The following KCTD20 variants were observed in gnomAD, a reference collection of about 807,000 sequenced individuals.
KCTD20 encodes the protein BTB/POZ domain-containing protein KCTD20.
In KCTD20, 30 loss-of-function variants were observed where a neutral mutation model predicts 39.6. That is an observed-to-expected ratio of 0.76 (90% CI 0.57 to 1.03). The LOEUF is 1.03. Ranked by LOEUF, KCTD20 falls within the 50% of genes least tolerant of loss-of-function variation. KCTD20 has a pLI of 0.00. For synonymous variants in KCTD20, 162 were observed against 180.6 expected, an observed-to-expected ratio of 0.90 and a Z score of 0.83; for missense variants, 422 against 522.0, an observed-to-expected ratio of 0.81 and a Z score of 1.87.
chr6:36,481,504 C>T (rs1439474155), intron 5 of KCTD20, 58 bp from the exon 6 acceptor site: 10 of 1,291,790 alleles, frequency 7.7e-6, no homozygotes, highest in Non-Finnish European at 1.1e-5. Context: ...GTCTTTTTCA[C>T]TCCAGTAATA....
At chr6:36,472,902 A>T (rs1326656701) in intron 2 of KCTD20, among the ~76,000 whole-genome samples, 1 of 150,562 alleles carries the variant, frequency 6.6e-6, no homozygotes, top group Non-Finnish European at 1.5e-5. Context: ...TATATATATA[A>T]TTTTTTTTTC....
In KCTD20 at chr6:36,487,157, T is replaced by C. The variant is rs1169046390; in HGVS notation, c.1242T>C (p.Ser414=). The C allele has an allele frequency of 6.2e-7, 1 of 1,613,116 alleles. No homozygotes were observed. Among genetic ancestry groups the C allele is most frequent in the East Asian group, 2.2e-5 (1 of 44,884 alleles). ...ATGCCCCACTTTCTCAGATGGCTTC[T>C]AACGACTTTCAGGATTAGGGCCAGC... ...RLNAPLSQMA[S]NDFQD The change falls in exon 8 of 8, where the codon TCT becomes TCC. Residue 414 remains serine (S), a synonymous_variant. Transcript: ENST00000373731.
intron 7 of KCTD20, 51 bp from the exon 8 acceptor site, chr6:36,486,832 C>T (rs371612354): frequency 1.9e-5 from 27 of 1,446,448 alleles, no homozygotes; most frequent in African/African-American, 9.9e-5. Flanking sequence ...AGTATGGACA[C>T]CAGAGTGAGC....
At chr6:36,448,716 T>C (rs1775134981) in intron 1 of KCTD20, among the ~76,000 whole-genome samples, 1 of 152,220 alleles carries the variant, frequency 6.6e-6, no homozygotes, top group Non-Finnish European at 1.5e-5. Context: ...GTGTCCGGAA[T>C]TTATTCCTTC....
chr6:36,470,636 T>C (rs1775884614), intron 2 of KCTD20, among the ~76,000 whole-genome samples: 1 of 152,140 alleles, frequency 6.6e-6, no homozygotes, highest in Non-Finnish European at 1.5e-5. Flanking sequence ...GGGGTCTCAC[T>C]CTTCACCCAG....
intron 1 of KCTD20, among the ~76,000 whole-genome samples, chr6:36,465,383 TTTTG>T (rs1207788927): frequency 6.6e-6 from 1 of 151,114 alleles, no homozygotes; most frequent in Non-Finnish European, 1.5e-5. Flanking sequence ...ATTAGTTTTT[TTTTG>T]TTTTTTTTTT....
At chr6:36,467,139 G>A (rs1297892868) in intron 1 of KCTD20, among the ~76,000 whole-genome samples, 1 of 150,606 alleles carries the variant, frequency 6.6e-6, no homozygotes, top group South Asian at 2.1e-4. Context: ...GAAACCCCGT[G>A]TCTACTAAAA....
At chr6:36,460,925 C>T (rs1235887129) in intron 1 of KCTD20, among the ~76,000 whole-genome samples, 1 of 152,082 alleles carries the variant, frequency 6.6e-6, no homozygotes, top group African/African-American at 2.4e-5. Context: ...GGGAACTTTC[C>T]TTAACCTCCT....
chr6:36,468,247 A>G (rs935719706), intron 1 of KCTD20, among the ~76,000 whole-genome samples: 1 of 152,238 alleles, frequency 6.6e-6, no homozygotes, highest in African/African-American at 2.4e-5. Context: ...TTAGTTCACC[A>G]TATACAAATT....
intron 3 of KCTD20, among the ~76,000 whole-genome samples, chr6:36,475,449 C>CAA (rs1195924698): frequency 1.6e-3 from 187 of 119,998 alleles, no homozygotes; most frequent in Non-Finnish European, 2.4e-3. Flanking sequence ...ACTCCCGTCT[C>CAA]AAAAAAAAAA....
intron 6 of KCTD20, among the ~76,000 whole-genome samples, chr6:36,484,323 A>G (rs1174804059): frequency 6.6e-6 from 1 of 152,124 alleles, no homozygotes; most frequent in African/African-American, 2.4e-5. Context: ...TCAGATTGTT[A>G]GTTTTTTACT....
At chr6:36,448,432 A>G (rs1336927426) in intron 1 of KCTD20, among the ~76,000 whole-genome samples, 1 of 152,230 alleles carries the variant, frequency 6.6e-6, no homozygotes, top group Non-Finnish European at 1.5e-5. Context: ...ATCACAGTAC[A>G]TATCTTAAAA....
chr6:36,458,994 C>T (rs908914462), intron 1 of KCTD20, among the ~76,000 whole-genome samples: 1 of 151,760 alleles, frequency 6.6e-6, no homozygotes, highest in African/African-American at 2.4e-5. Flanking sequence ...AAAAAAAATA[C>T]ATTTTTAATA....
At chr6:36,455,008 C>G (rs1775389185) in intron 1 of KCTD20, among the ~76,000 whole-genome samples, 1 of 152,134 alleles carries the variant, frequency 6.6e-6, no homozygotes, top group Admixed American at 6.6e-5. Context: ...CTTTTAGGCT[C>G]CCAATGGAAA....
Position 36,469,812 on chromosome 6 carries a change from C to T in KCTD20, c.-46-240C>T, listed in dbSNP as rs1775859822. Among the ~76,000 whole-genome samples, 1 of 152,154 alleles carries T rather than the reference C, an allele frequency of 6.6e-6. No homozygotes were observed. Among genetic ancestry groups the T allele is most frequent in the African/African-American group, 2.4e-5 (1 of 41,438 alleles). On this transcript the variant is annotated intron_variant, in intron 1 of 7. Coordinates refer to ENST00000373731, the MANE Select transcript of KCTD20 (RefSeq NM_173562.5). This position sits in a 1 kb window ranked among gnomAD's most constrained non-coding sequence, Gnocchi z 4.6. The stretch of plus-strand genomic sequence containing the variant: ...TGACCAAAGTCAGTGAATTTGATGT[C>T]TGTTCATGGATAAAATTATTCCCTG...
chr6:36,474,701 G>T, intron 2 of KCTD20, 88 bp from the exon 3 acceptor site: 2 of 1,264,560 alleles, frequency 1.6e-6, no homozygotes, highest in Admixed American at 2.7e-5. Context: ...TTTTTTGTTT[G>T]TTTACTTGTT....
At position 36,488,703 on chromosome 6, in the gene KCTD20, A is replaced by T. The variant is rs148359571; in HGVS notation, c.*1528A>T. 6.6e-6 allele frequency: 1 copy of T among 152,332 alleles called. No homozygotes were observed. The highest frequency in any genetic ancestry group is 2.4e-5 in the African/African-American group (1 of 41,576). 9.4% of individuals were successfully genotyped at this position (152,332 alleles called of 1,614,324 possible). Reference sequence around the variant, plus strand: ...CAAATTTCGGATTTTTGGATTTGGGATGCTCATCCTGTGTAGGAGAGGCTA... The same window carrying T: ...CAAATTTCGGATTTTTGGATTTGGGTTGCTCATCCTGTGTAGGAGAGGCTA... On this transcript the variant is annotated 3_prime_UTR_variant, in exon 8 of 8. Transcript: ENST00000373731.
At chr6:36,446,828 T>C (rs1030302809) in intron 1 of KCTD20, among the ~76,000 whole-genome samples, 1 of 152,200 alleles carries the variant, frequency 6.6e-6, no homozygotes, top group Non-Finnish European at 1.5e-5. Flanking sequence ...ACTGTAGGAT[T>C]GATTGCTCTT....
intron 1 of KCTD20, among the ~76,000 whole-genome samples, chr6:36,463,519 A>G (rs1439559926): frequency 2.0e-5 from 3 of 152,332 alleles, no homozygotes; most frequent in South Asian, 2.1e-4. Context: ...AACCAATGCT[A>G]TGGTTTGAAT....
Sources: gnomAD v4.1 joint callset for allele counts (sites outside exome capture counted in the v4.1 genomes callset) on GRCh38, gnomAD v4.1.1 for gene constraint, Gnocchi (gnomAD v3.1) non-coding constraint, MANE v1.5 for transcripts, NCBI Gene and HGNC (gene_info 2026-07-23, HGNC 2026-07-21) for gene names.